Variants in NTRK3 observed in about 807,000 individuals in gnomAD.
The protein encoded by NTRK3 is neurotrophic receptor tyrosine kinase 3, also known as NT-3 growth factor receptor.
A neutral mutation model predicts 91.7 loss-of-function variants in NTRK3; 24 were observed. That is an observed-to-expected ratio of 0.26 (90% CI 0.19 to 0.37). The LOEUF (loss-of-function observed/expected upper bound fraction) is 0.37, where lower values mean the gene tolerates loss of function less well. Among genes scored for constraint, NTRK3 ranks in the 10% least tolerant of loss-of-function variants. The probability of loss-of-function intolerance (pLI) is 1.00; values close to 1 mark genes in which losing one functional copy is unlikely to be tolerated. For synonymous variants in NTRK3, 483 were observed against 404.0 expected, an observed-to-expected ratio of 1.20 and a Z score of -2.34; for missense variants, 880 against 1,068.9, an observed-to-expected ratio of 0.82 and a Z score of 2.46.
chr15:88,201,505 C>T (rs1458356437), intron 3 of NTRK3, among the ~76,000 whole-genome samples: 1 of 152,216 alleles, frequency 6.6e-6, no homozygotes, highest in Non-Finnish European at 1.5e-5. Context: ...GTCTTCAGCT[C>T]AGACTCTCAA....
chr15:88,010,624 A>T (rs1372088969), intron 14 of NTRK3, among the ~76,000 whole-genome samples: 2 of 152,172 alleles, frequency 1.3e-5, no homozygotes, highest in Non-Finnish European at 2.9e-5. Context: ...AATGTAATAA[A>T]CCTATTGAAT....
intron 13 of NTRK3, among the ~76,000 whole-genome samples, chr15:88,041,513 C>G (rs949436969): frequency 1.3e-5 from 2 of 152,188 alleles, no homozygotes; most frequent in African/African-American, 4.8e-5. Flanking sequence ...ATCACTCCCA[C>G]GTGGAAGCTT....
chr15:88,017,991 TTA>T (rs1461222149), intron 14 of NTRK3, among the ~76,000 whole-genome samples: 1 of 152,162 alleles, frequency 6.6e-6, no homozygotes, highest in African/African-American at 2.4e-5. Context: ...GGACAGAAGC[TTA>T]TACATTGCCT....
At chr15:88,021,495 G>A (rs2077585419) in intron 14 of NTRK3, among the ~76,000 whole-genome samples, 1 of 152,214 alleles carries the variant, frequency 6.6e-6, no homozygotes, top group Non-Finnish European at 1.5e-5. Context: ...TTCTTGGTAA[G>A]TCTCAGGGAT....
intron 12 of NTRK3, among the ~76,000 whole-genome samples, chr15:88,126,946 C>T (rs923571703): frequency 1.3e-5 from 2 of 152,176 alleles, no homozygotes; most frequent in African/African-American, 2.4e-5. Flanking sequence ...ATTTTCTGAA[C>T]CCTAGGGCTT....
intron 13 of NTRK3, among the ~76,000 whole-genome samples, chr15:88,042,527 C>G (rs112364568): frequency 1.7e-4 from 26 of 152,356 alleles, no homozygotes; most frequent in African/African-American, 6.3e-4. Flanking sequence ...CTCCGCTCCT[C>G]TCCCTGAATC....
chr15:87,939,569 C>T (rs1196362197), intron 15 of NTRK3, among the ~76,000 whole-genome samples: 2 of 152,148 alleles, frequency 1.3e-5, no homozygotes, highest in Admixed American at 6.5e-5. Context: ...AATACAGAGA[C>T]CCAAAAGTTG....
chr15:88,123,162 C>CA, intron 13 of NTRK3, among the ~76,000 whole-genome samples: 1 of 152,218 alleles, frequency 6.6e-6, no homozygotes, highest in East Asian at 1.9e-4. Flanking sequence ...GAAATGTTCC[C>CA]ATGGAGCCTT....
intron 3 of NTRK3, among the ~76,000 whole-genome samples, chr15:88,222,936 T>G (rs1317354703): frequency 6.6e-6 from 1 of 152,192 alleles, no homozygotes; most frequent in Non-Finnish European, 1.5e-5. Flanking sequence ...ACCCGCAGGA[T>G]TCTTTTGGGG....
intron 5 of NTRK3, among the ~76,000 whole-genome samples, chr15:88,171,940 T>C (rs4887375): frequency 0.061 from 9,277 of 152,348 alleles, 571 homozygotes; most frequent in African/African-American, 0.16. Context: ...GTCATACCTT[T>C]CCACAGGCAT....
In NTRK3 at chr15:87,945,803, GAAAAAAAAA is replaced by G. The variant is rs34162356; in HGVS notation, c.1586-5059_1586-5051del. On this transcript the variant is annotated intron_variant, in intron 14 of 18. Transcript: ENST00000394480. ...GCACTGCTGAAAGAGTGAAGACTGG[GAAAAAAAAA>G]AAAAAAAAAAAAAAAAACAGATCTC... Among the ~76,000 whole-genome samples, 30 of 106,770 alleles carry G rather than the reference GAAAAAAAAA, an allele frequency of 2.8e-4. 1 individual carries two copies. The East Asian group carries it at 9.3e-3, about 33-fold the overall frequency. The allele number at this position is 106,770 out of a possible 152,430, so 70.0% of individuals were successfully genotyped here.
chr15:88,040,865 CT>C (rs1234162001), intron 13 of NTRK3, among the ~76,000 whole-genome samples: 1 of 152,222 alleles, frequency 6.6e-6, no homozygotes, highest in Non-Finnish European at 1.5e-5. Context: ...TTCTTCTCAT[CT>C]CATTTGATCC....
chr15:87,994,304 G>C (rs759983263), intron 14 of NTRK3, among the ~76,000 whole-genome samples: 4 of 152,116 alleles, frequency 2.6e-5, no homozygotes, highest in Admixed American at 1.3e-4. Context: ...ATTTGAAAAC[G>C]GGATCTTTGC....
At chr15:88,181,482 GCCTCT>G (rs2046450439) in intron 5 of NTRK3, among the ~76,000 whole-genome samples, 2 of 152,100 alleles carry the variant, frequency 1.3e-5, no homozygotes, top group Admixed American at 1.3e-4. Context: ...GGGTCCTGAA[GCCTCT>G]CCATCTCCCT....
intron 3 of NTRK3, among the ~76,000 whole-genome samples, chr15:88,186,438 A>G (rs2046951588): frequency 6.6e-6 from 1 of 152,110 alleles, no homozygotes; most frequent in Non-Finnish European, 1.5e-5. Flanking sequence ...CTTGCTGCAA[A>G]GAGTCCTCCG....
exon 2 of NTRK3, chr15:88,256,415 G>A (rs2054062280): frequency 1.4e-5 from 8 of 553,688 alleles, no homozygotes; most frequent in Middle Eastern, 4.7e-4. Context: ...CGGGCATGGT[G>A]GCCGGCTCGG....
chr15:88,102,751 C>T (rs932198186), intron 13 of NTRK3, among the ~76,000 whole-genome samples: 11 of 152,166 alleles, frequency 7.2e-5, no homozygotes, highest in Admixed American at 6.5e-4. Flanking sequence ...TCTACCATAG[C>T]TGAATTTCAA....
intron 5 of NTRK3, among the ~76,000 whole-genome samples, chr15:88,148,098 A>C (rs2043047568): frequency 6.6e-6 from 1 of 152,234 alleles, no homozygotes; most frequent in African/African-American, 2.4e-5. Flanking sequence ...GCATCCCAGG[A>C]ACAATGTACT....
At chr15:88,121,753 G>A (rs2052729964) in intron 13 of NTRK3, among the ~76,000 whole-genome samples, 2 of 152,222 alleles carry the variant, frequency 1.3e-5, no homozygotes, top group African/African-American at 4.8e-5. Flanking sequence ...CAGGAGGGCT[G>A]GCTGATAGGG....
Sources: allele counts gnomAD v4.1 joint callset (sites outside exome capture counted in the v4.1 genomes callset), GRCh38; gene constraint gnomAD v4.1.1; transcripts MANE v1.5; gene names NCBI Gene and HGNC (gene_info 2026-07-23, HGNC 2026-07-21).